The following COL23A1 variants were observed in gnomAD, a reference collection of about 807,000 sequenced individuals.
The protein encoded by COL23A1 is collagen alpha-1(XXIII) chain.
A neutral mutation model predicts 99.3 loss-of-function variants in COL23A1; 97 were observed. The ratio of observed to expected loss-of-function variants is 0.98; its 90% CI spans 0.83 to 1.16. COL23A1 has a LOEUF of 1.16. Among genes scored for constraint, COL23A1 ranks in the 50% most tolerant of loss-of-function variants. COL23A1 has a pLI of 0.00. For synonymous variants in COL23A1, 320 were observed against 308.2 expected (o/e 1.04, Z -0.40); for missense variants, 762 against 757.4 (o/e 1.01, Z -0.07).
intron 2 of COL23A1, among the ~76,000 whole-genome samples, chr5:178,380,196 A>G (rs1039108678): frequency 6.6e-6 from 1 of 152,296 alleles, no homozygotes; most frequent in Non-Finnish European, 1.5e-5. Flanking sequence ...AGGGTGTGGA[A>G]AGTCAATGGG....
intron 2 of COL23A1, among the ~76,000 whole-genome samples, chr5:178,354,684 T>G (rs1428709019): frequency 6.6e-6 from 1 of 152,208 alleles, no homozygotes; most frequent in Non-Finnish European, 1.5e-5. Flanking sequence ...ACCATGATTG[T>G]AAGTTTCCTG....
chr5:178,244,575 G>C (rs994915223), intron 25 of COL23A1, among the ~76,000 whole-genome samples: 1 of 152,150 alleles, frequency 6.6e-6, no homozygotes, highest in African/African-American at 2.4e-5. Flanking sequence ...CTTAGTTTGG[G>C]CCTGGCAGGA....
intron 2 of COL23A1, among the ~76,000 whole-genome samples, chr5:178,538,085 C>T (rs981294967): frequency 4.6e-5 from 7 of 152,194 alleles, no homozygotes; most frequent in African/African-American, 1.7e-4. Flanking sequence ...TATGGATATG[C>T]TGCATTCTGT....
At chr5:178,369,115 T>C (rs985869699) in intron 2 of COL23A1, among the ~76,000 whole-genome samples, 1 of 152,218 alleles carries the variant, frequency 6.6e-6, no homozygotes, top group Non-Finnish European at 1.5e-5. Context: ...GCCGAAGCTA[T>C]TCAGTGCGGG....
intron 1 of COL23A1, among the ~76,000 whole-genome samples, chr5:178,579,517 G>GT (rs1763554156): frequency 6.6e-6 from 1 of 152,074 alleles, no homozygotes; most frequent in African/African-American, 2.4e-5. Context: ...GTGGTGGCGA[G>GT]ATCTCGGCTC....
At chr5:178,383,885 A>AGG (rs1396738092) in intron 2 of COL23A1, among the ~76,000 whole-genome samples, 1 of 152,168 alleles carries the variant, frequency 6.6e-6, no homozygotes, top group African/African-American at 2.4e-5. Context: ...AAATAGAAAA[A>AGG]AAAAAAAAAG....
intron 1 of COL23A1, among the ~76,000 whole-genome samples, chr5:178,578,237 C>G (rs1230773331): frequency 1.3e-5 from 2 of 151,952 alleles, no homozygotes; most frequent in Non-Finnish European, 2.9e-5. Context: ...CACATGCATA[C>G]TCCTGGCACA....
At position 178,262,225 on chromosome 5, in the gene COL23A1, C is replaced by T. The variant is rs376169479; in HGVS notation, c.667G>A (p.Gly223Ser). The stretch of plus-strand genomic sequence containing the variant: ...ATGCCCTGGATACTGACCATCTCGC[C>T]GTCTTGTCCGGGCTCTCCTTTGGGG... Reference protein sequence around the residue: ...AGPKGEPGQDGEMGPKGPPGP... With the variant: ...AGPKGEPGQDSEMGPKGPPGP... The change falls in exon 10 of 29, where the codon GGC becomes AGC. Residue 223 changes from glycine to serine, a missense_variant. Gly to Ser is a moderately conservative substitution (Grantham distance 56, BLOSUM62 0). Coordinates refer to ENST00000390654, the MANE Select transcript of COL23A1 (RefSeq NM_173465.4). The T allele has an allele frequency of 5.1e-5, 81 of 1,583,636 alleles. No homozygotes were observed. The highest frequency in any genetic ancestry group is 1.2e-4 in the African/African-American group (9 of 74,838).
chr5:178,579,723 A>T (rs1049580253), intron 1 of COL23A1, among the ~76,000 whole-genome samples: 2 of 151,876 alleles, frequency 1.3e-5, no homozygotes. Flanking sequence ...AAGTGCTGGG[A>T]TTACAGGCAT....
chr5:178,358,148 GT>G (rs1160060786), intron 2 of COL23A1, among the ~76,000 whole-genome samples: 5 of 145,878 alleles, frequency 3.4e-5, no homozygotes, highest in Non-Finnish European at 7.4e-5. Context: ...GTGTGTGTAT[GT>G]GTATGTGTGT....
chr5:178,532,709 T>C (rs904367314), intron 2 of COL23A1, among the ~76,000 whole-genome samples: 4 of 152,062 alleles, frequency 2.6e-5, no homozygotes, highest in Non-Finnish European at 4.4e-5. Context: ...GATGATGGCA[T>C]TTGGAGGCGG....
rs1762385098 is a variant in COL23A1 at position 178,365,009 on chromosome 5, G to A, written c.362-58090C>T. On this transcript the variant is annotated intron_variant, in intron 2 of 28. Transcript: ENST00000390654. The surrounding 1 kb of genome is among the most constrained non-coding windows in gnomAD (Gnocchi z 5.2). ...TACAGCCTGAATTTATTAAGCAATG[G>A]GCTCTTCCTGTCAGGCGAATAAACA... 6.6e-6 allele frequency among the ~76,000 whole-genome samples: 1 copy of A among 152,174 alleles called. No homozygotes were observed. Among genetic ancestry groups the A allele is most frequent in the Non-Finnish European group, 1.5e-5 (1 of 68,034 alleles).
intron 2 of COL23A1, among the ~76,000 whole-genome samples, chr5:178,452,209 C>T (rs1283028832): frequency 1.3e-5 from 2 of 151,962 alleles, no homozygotes; most frequent in East Asian, 1.9e-4. Context: ...AAACTGTGGA[C>T]AAGAATTTAA....
chr5:178,502,211 A>G (rs1366311953), intron 2 of COL23A1, among the ~76,000 whole-genome samples: 2 of 152,288 alleles, frequency 1.3e-5, no homozygotes, highest in South Asian at 2.1e-4. Context: ...GGCCCACTGC[A>G]AGCTCTGCCT....
chr5:178,443,939 C>T (rs774813191), intron 2 of COL23A1, among the ~76,000 whole-genome samples: 2 of 152,090 alleles, frequency 1.3e-5, no homozygotes, highest in African/African-American at 2.4e-5. Flanking sequence ...CAGAGGCTCA[C>T]GCCTGTAATC....
intron 2 of COL23A1, among the ~76,000 whole-genome samples, chr5:178,343,284 A>G (rs1368838714): frequency 2.0e-5 from 3 of 152,198 alleles, no homozygotes; most frequent in Non-Finnish European, 4.4e-5. Context: ...GAAGAGAAAG[A>G]GAGTGACAGG....
chr5:178,590,356 G>A lies in COL23A1; in HGVS notation c.-159C>T, dbSNP rs1203807871. ...GATCGCCGCGCACGCCCCCTTCGCC[G>A]CAGCCAGCTCCTCCACAGCGGCCAC... On this transcript the variant is annotated 5_prime_UTR_variant, in exon 1 of 29. Transcript: ENST00000390654. This position sits in a 1 kb window ranked among gnomAD's most constrained non-coding sequence, Gnocchi z 5.7. 2 of 546,922 alleles carry A rather than the reference G, an allele frequency of 3.7e-6. No individual in the cohort carries two copies. Among genetic ancestry groups the A allele is most frequent in the Non-Finnish European group, 5.2e-6 (2 of 384,952 alleles). 33.9% of individuals were successfully genotyped at this position (546,922 alleles called of 1,614,324 possible).
intron 18 of COL23A1, among the ~76,000 whole-genome samples, chr5:178,249,700 ACACACACACACACACACT>A (rs1161303708): frequency 1.2e-4 from 12 of 102,976 alleles, no homozygotes; most frequent in African/African-American, 3.9e-4. Context: ...ACACACACAC[ACACACACACACACACACT>A]CTCTCTCTCT....
intron 2 of COL23A1, among the ~76,000 whole-genome samples, chr5:178,319,180 T>C (rs1190939673): frequency 6.6e-6 from 1 of 152,102 alleles, no homozygotes; most frequent in Non-Finnish European, 1.5e-5. Context: ...CCCAGATCTG[T>C]GCTAGCGCAA....
Sources: gnomAD v4.1 joint callset for allele counts (sites outside exome capture counted in the v4.1 genomes callset) on GRCh38, gnomAD v4.1.1 for gene constraint, Gnocchi (gnomAD v3.1) non-coding constraint, MANE v1.5 for transcripts, NCBI Gene and HGNC (gene_info 2026-07-23, HGNC 2026-07-21) for gene names.